Variants in GRIK4 observed in about 807,000 individuals in gnomAD.
GRIK4 encodes glutamate receptor ionotropic, kainate 4.
A neutral mutation model predicts 104.9 loss-of-function variants in GRIK4; 40 were observed. That is an observed-to-expected ratio of 0.38 (90% CI 0.30 to 0.50). The LOEUF is 0.50. GRIK4 is among the 20% of genes least tolerant of loss of function. The pLI is 0.93. For synonymous variants in GRIK4, 485 were observed against 524.9 expected (o/e 0.92, Z 1.04); for missense variants, 1,047 against 1,308.1 (o/e 0.80, Z 3.08).
chr11:120,543,910 CACTT>C (rs1192959197), intron 1 of GRIK4, among the ~76,000 whole-genome samples: 1 of 152,212 alleles, frequency 6.6e-6, no homozygotes, highest in African/African-American at 2.4e-5. Flanking sequence ...TGTATGATCT[CACTT>C]ACATGTGGAA....
At chr11:120,925,846 C>T (rs563086010) in intron 13 of GRIK4, among the ~76,000 whole-genome samples, 34 of 151,668 alleles carry the variant, frequency 2.2e-4, no homozygotes, top group Admixed American at 1.0e-3. Context: ...TGGTGGTGTG[C>T]GCCTGTAATC....
intron 1 of GRIK4, among the ~76,000 whole-genome samples, chr11:120,518,412 C>T (rs1947756283): frequency 6.6e-6 from 1 of 152,094 alleles, no homozygotes. Flanking sequence ...TCTAGCAAGG[C>T]TGGTGAAAGG....
chr11:120,589,706 C>A (rs1203054667), intron 1 of GRIK4, among the ~76,000 whole-genome samples: 1 of 152,214 alleles, frequency 6.6e-6, no homozygotes, highest in African/African-American at 2.4e-5. Flanking sequence ...AGGTCTCTCA[C>A]CACCCGCTGC....
chr11:120,546,356 G>C (rs2252490), intron 1 of GRIK4, among the ~76,000 whole-genome samples: 45,415 of 151,968 alleles, frequency 0.3, 7,019 homozygotes, highest in Admixed American at 0.43. Flanking sequence ...CCGGAAAAGT[G>C]GTCAGGGGCA....
intron 9 of GRIK4, chr11:120,871,081 A>C (rs535998769): frequency 6.4e-6 from 1 of 155,132 alleles, no homozygotes; most frequent in Admixed American, 6.3e-5. Context: ...CTTCCAGCTC[A>C]ATCACTCCAC....
chr11:120,847,520 G>A (rs1360471747), intron 8 of GRIK4, among the ~76,000 whole-genome samples: 1 of 152,216 alleles, frequency 6.6e-6, no homozygotes. Context: ...GAGAATCAAT[G>A]GGAGTTAGTC....
chr11:120,749,365 C>T lies in GRIK4; in HGVS notation c.83-53328C>T, dbSNP rs77256962. On this transcript the variant is annotated intron_variant, in intron 3 of 20. Coordinates refer to ENST00000527524, the MANE Select transcript of GRIK4 (RefSeq NM_014619.5). ...TGGCTAGGGCACCATGGGCAGGTGT[C>T]GGGAGAGGGGGCCAGCAACAGGGCC... 7.7e-3 allele frequency among the ~76,000 whole-genome samples: 1,170 copies of T among 152,202 alleles called. 15 individuals carry two copies. The highest frequency in any genetic ancestry group is 0.025 in the African/African-American group (1,059 of 41,530).
At chr11:120,744,048 G>A (rs1951388275) in intron 3 of GRIK4, among the ~76,000 whole-genome samples, 2 of 152,230 alleles carry the variant, frequency 1.3e-5, no homozygotes, top group South Asian at 4.1e-4. Flanking sequence ...CCTAGAGATG[G>A]AGATGGAGCT....
chr11:120,544,201 T>A (rs1004255307), intron 1 of GRIK4, among the ~76,000 whole-genome samples: 3 of 152,252 alleles, frequency 2.0e-5, no homozygotes, highest in African/African-American at 7.2e-5. Flanking sequence ...TGGATGTGTC[T>A]GTGGCCTTGG....
intron 3 of GRIK4, among the ~76,000 whole-genome samples, chr11:120,701,711 G>A (rs1243908563): frequency 6.6e-6 from 1 of 152,140 alleles, no homozygotes; most frequent in African/African-American, 2.4e-5. Flanking sequence ...TTCTGACTTA[G>A]ATTTTAAAGG....
intron 3 of GRIK4, among the ~76,000 whole-genome samples, chr11:120,666,745 T>C (rs577346647): frequency 6.6e-6 from 1 of 152,350 alleles, no homozygotes; most frequent in South Asian, 2.1e-4. Context: ...TGGTATCTAT[T>C]CAGTTGGATC....
intron 14 of GRIK4, among the ~76,000 whole-genome samples, chr11:120,950,701 T>C (rs1289108296): frequency 6.6e-6 from 1 of 152,156 alleles, no homozygotes. Flanking sequence ...GATGCTACCC[T>C]CTCTGTGTCT....
At chr11:120,564,502 C>T (rs565482372) in intron 1 of GRIK4, 2 of 152,318 alleles carry the variant, frequency 1.3e-5, no homozygotes, top group African/African-American at 2.4e-5. Context: ...GGTCTTAGGA[C>T]CCAGGAAGGA....
intron 13 of GRIK4, among the ~76,000 whole-genome samples, chr11:120,908,595 A>G (rs12420017): frequency 0.05 from 7,614 of 152,226 alleles, 429 homozygotes; most frequent in African/African-American, 0.14. Context: ...GGTGAGGGAA[A>G]GGGGAAGGTG....
chr11:120,918,707 G>A lies in GRIK4; in HGVS notation c.1476+13214G>A, dbSNP rs143967091. Among the ~76,000 whole-genome samples the A allele has an allele frequency of 2.6e-3, 389 of 152,252 alleles. 3 individuals carry two copies. The highest frequency in any genetic ancestry group is 8.4e-3 in the African/African-American group (350 of 41,550). On this transcript the variant is annotated intron_variant, in intron 13 of 20. Transcript: ENST00000527524. ...CCCAACTGTACTGGGAATGAGACCC[G>A]GTGTATAAGTTAGTTTGAGACGTTA...
At chr11:120,830,365 C>T (rs1953389607) in intron 6 of GRIK4, among the ~76,000 whole-genome samples, 2 of 152,134 alleles carry the variant, frequency 1.3e-5, no homozygotes, top group Admixed American at 1.3e-4. Context: ...AAACTGAGAT[C>T]AGAATTCTGG....
intron 14 of GRIK4, among the ~76,000 whole-genome samples, chr11:120,945,024 AT>A (rs1279200349): frequency 1.3e-5 from 2 of 151,830 alleles, no homozygotes; most frequent in African/African-American, 4.8e-5. Context: ...AAATGTAATC[AT>A]ATCAACCTCC....
At chr11:120,897,912 T>A (rs1198891359) in intron 11 of GRIK4, among the ~76,000 whole-genome samples, 1 of 152,028 alleles carries the variant, frequency 6.6e-6, no homozygotes, top group Non-Finnish European at 1.5e-5. Context: ...CACTGGCACA[T>A]ACATGAGAAG....
At chr11:120,907,516 T>C (rs947561234) in intron 13 of GRIK4, among the ~76,000 whole-genome samples, 2 of 152,188 alleles carry the variant, frequency 1.3e-5, no homozygotes, top group African/African-American at 4.8e-5. Context: ...CATGAACTAA[T>C]TAATTAACCC....
Sources: allele counts gnomAD v4.1 joint callset (sites outside exome capture counted in the v4.1 genomes callset), GRCh38; gene constraint gnomAD v4.1.1; transcripts MANE v1.5; gene names NCBI Gene and HGNC (gene_info 2026-07-23, HGNC 2026-07-21).